Variants in RETREG1 observed in about 807,000 individuals in gnomAD.
RETREG1 encodes reticulophagy regulator 1.
Under a neutral mutation model 54.8 loss-of-function variants are expected in RETREG1, and 44 were observed. That is an observed-to-expected ratio of 0.80 (90% confidence interval 0.63 to 1.03). RETREG1 has a LOEUF of 1.03. Among genes scored for constraint, RETREG1 ranks in the 50% least tolerant of loss-of-function variants. RETREG1 has a pLI of 0.00. For synonymous variants in RETREG1, 217 were observed against 238.5 expected (o/e 0.91, Z 0.83); for missense variants, 554 against 605.1 (o/e 0.92, Z 0.89).
rs111943441 is a variant in RETREG1 at position 16,560,973 on chromosome 5, A to T, written c.458+4790T>A. ...ATCCCTTTGGTGTAAAAAGACAACA[A>T]TATGAAAGGGACACATAAATCCCTC... On this transcript the variant is annotated intron_variant, in intron 3 of 8. Transcript: ENST00000306320. 2.5e-3 allele frequency among the ~76,000 whole-genome samples: 374 copies of T among 152,206 alleles called. 1 individual carries two copies. The highest frequency in any genetic ancestry group is 8.8e-3 in the African/African-American group (364 of 41,464).
chr5:16,573,135 T>TCGC (rs1742226310), intron 1 of RETREG1, among the ~76,000 whole-genome samples: 1 of 120,344 alleles, frequency 8.3e-6, no homozygotes, highest in African/African-American at 3.2e-5. Flanking sequence ...TGAGCCAAGA[T>TCGC]CGCACCACTG....
intron 3 of RETREG1, among the ~76,000 whole-genome samples, chr5:16,523,767 T>C (rs1740611696): frequency 6.6e-6 from 1 of 151,992 alleles, no homozygotes; most frequent in African/African-American, 2.4e-5. Context: ...AAGACCTGCC[T>C]CTCCCCTCCC....
At position 16,594,132 on chromosome 5, in the gene RETREG1, T is replaced by G. The variant is rs895504263; in HGVS notation, c.321-22030A>C. On this transcript the variant is annotated intron_variant, in intron 1 of 8. Coordinates refer to ENST00000306320, the MANE Select transcript of RETREG1 (RefSeq NM_001034850.3). The surrounding 1 kb of genome is among the most constrained non-coding windows in gnomAD (Gnocchi z 4.4). Reference sequence around the variant, plus strand: ...GCAAAACCTACACACAGCAGAGATTTGATGGGCACCATCGGAAACAAAAGC... The same window carrying G: ...GCAAAACCTACACACAGCAGAGATTGGATGGGCACCATCGGAAACAAAAGC... Among the ~76,000 whole-genome samples, 5 of 152,250 alleles carry G rather than the reference T, an allele frequency of 3.3e-5. No homozygotes were observed. Among genetic ancestry groups the G allele is most frequent in the African/African-American group, 1.2e-4 (5 of 41,470 alleles).
At chr5:16,501,497 G>A (rs956718345) in intron 3 of RETREG1, among the ~76,000 whole-genome samples, 5 of 152,034 alleles carry the variant, frequency 3.3e-5, no homozygotes, top group African/African-American at 1.2e-4. Context: ...ATTCTGTTAG[G>A]GAGAGAGTTC....
At chr5:16,479,009 A>G in intron 5 of RETREG1, 22 bp from the exon 6 acceptor site, 4 of 1,609,836 alleles carry the variant, frequency 2.5e-6, no homozygotes, top group Non-Finnish European at 2.5e-6. Flanking sequence ...AAGAGAGCAG[A>G]GGTAAAATGC....
At chr5:16,595,343 G>A (rs1210334946) in intron 1 of RETREG1, among the ~76,000 whole-genome samples, 1 of 152,044 alleles carries the variant, frequency 6.6e-6, no homozygotes, top group Non-Finnish European at 1.5e-5. Flanking sequence ...CTACAGAAGA[G>A]CTTAATTAAA....
intron 3 of RETREG1, among the ~76,000 whole-genome samples, chr5:16,538,295 C>A (rs1308197570): frequency 6.6e-6 from 1 of 152,180 alleles, no homozygotes; most frequent in Non-Finnish European, 1.5e-5. Flanking sequence ...CTGCTCTAGG[C>A]AGCTGCAGGA....
At chr5:16,518,453 T>C (rs962881415) in intron 3 of RETREG1, among the ~76,000 whole-genome samples, 1 of 151,908 alleles carries the variant, frequency 6.6e-6, no homozygotes, top group Non-Finnish European at 1.5e-5. Context: ...GGTTTTCTTC[T>C]GTGGCTTAGG....
chr5:16,579,038 G>C (rs1452300555), intron 1 of RETREG1, among the ~76,000 whole-genome samples: 1 of 152,170 alleles, frequency 6.6e-6, no homozygotes, highest in Non-Finnish European at 1.5e-5. Context: ...CTGGGGAACA[G>C]GGTACCCAAA....
chr5:16,524,536 T>C (rs1391414316), intron 3 of RETREG1, among the ~76,000 whole-genome samples: 2 of 152,226 alleles, frequency 1.3e-5, no homozygotes, highest in Admixed American at 6.5e-5. Context: ...ACACAATTCA[T>C]CATAAATTTT....
intron 5 of RETREG1, among the ~76,000 whole-genome samples, chr5:16,479,925 A>G (rs1258157753): frequency 6.6e-6 from 1 of 152,088 alleles, no homozygotes; most frequent in Non-Finnish European, 1.5e-5. Flanking sequence ...GCCAGATCAT[A>G]GTTTTCAGGT....
chr5:16,568,859 A>G (rs1742094190), intron 2 of RETREG1, among the ~76,000 whole-genome samples: 2 of 152,234 alleles, frequency 1.3e-5, no homozygotes, highest in Admixed American at 6.5e-5. Context: ...GGGGAAGGAT[A>G]CAATTAAACT....
chr5:16,579,590 G>T (rs754758352), intron 1 of RETREG1, among the ~76,000 whole-genome samples: 3 of 152,130 alleles, frequency 2.0e-5, no homozygotes, highest in Non-Finnish European at 2.9e-5. Context: ...GGCCGTAAAA[G>T]TCCCCTGTCC....
intron 3 of RETREG1, among the ~76,000 whole-genome samples, chr5:16,552,794 C>T (rs1418867527): frequency 4.6e-5 from 7 of 152,166 alleles, no homozygotes; most frequent in Admixed American, 4.6e-4. Flanking sequence ...GTAACTAGAA[C>T]AACGTTAATG....
At position 16,490,300 on chromosome 5, in the gene RETREG1, TGGGAGCAA is replaced by T. The variant is rs1429542750; in HGVS notation, c.459-6836_459-6829del. 3.9e-5 allele frequency among the ~76,000 whole-genome samples: 6 copies of T among 152,194 alleles called. 1 individual carries two copies. The South Asian group carries it at 6.2e-4, about 16-fold the overall frequency. ...CAAAATAAAGTGTCCCATGTTTCAG[TGGGAGCAA>T]TGGAAAATTGTTTAAAATATCTTAA... On this transcript the variant is annotated intron_variant, in intron 3 of 8. Coordinates refer to ENST00000306320, the MANE Select transcript of RETREG1 (RefSeq NM_001034850.3).
intron 3 of RETREG1, among the ~76,000 whole-genome samples, chr5:16,529,838 G>T (rs1198993521): frequency 6.6e-6 from 1 of 152,122 alleles, no homozygotes; most frequent in Non-Finnish European, 1.5e-5. Flanking sequence ...CCACGCTCAG[G>T]CTTTCCCATT....
At chr5:16,570,992 T>A (rs1000338183) in intron 2 of RETREG1, among the ~76,000 whole-genome samples, 13 of 152,126 alleles carry the variant, frequency 8.5e-5, no homozygotes, top group Non-Finnish European at 1.6e-4. Context: ...GGGAAGGAAA[T>A]ATCTTCAAAC....
intron 3 of RETREG1, among the ~76,000 whole-genome samples, chr5:16,539,202 G>A (rs992678840): frequency 2.6e-5 from 4 of 152,206 alleles, no homozygotes; most frequent in African/African-American, 7.2e-5. Flanking sequence ...GGGGCCACCC[G>A]AGGGAGGAAG....
intron 1 of RETREG1, among the ~76,000 whole-genome samples, chr5:16,614,466 G>T (rs936425142): frequency 6.6e-6 from 1 of 152,308 alleles, no homozygotes; most frequent in South Asian, 2.1e-4. Flanking sequence ...ATCATTTTGG[G>T]ATAGTCTTTT....
Sources: gnomAD v4.1 joint callset for allele counts (sites outside exome capture counted in the v4.1 genomes callset) on GRCh38, gnomAD v4.1.1 for gene constraint, Gnocchi (gnomAD v3.1) non-coding constraint, MANE v1.5 for transcripts, NCBI Gene and HGNC (gene_info 2026-07-23, HGNC 2026-07-21) for gene names.